SGCD: variants seen among roughly 807,000 people sequenced by gnomAD.
The protein encoded by SGCD is delta-sarcoglycan.
Under a neutral mutation model 36.6 loss-of-function variants are expected in SGCD, and 18 were observed. The observed-to-expected ratio is 0.49, with a 90% CI of 0.34 to 0.73. The LOEUF (loss-of-function observed/expected upper bound fraction) is 0.73. SGCD is among the 30% of genes least tolerant of loss of function. The pLI is 0.01. For synonymous variants in SGCD, 133 were observed against 130.6 expected (o/e 1.02, Z -0.12); for missense variants, 387 against 346.7 (o/e 1.12, Z -0.92).
chr5:156,603,834 T>C (rs1348439614), intron 6 of SGCD, among the ~76,000 whole-genome samples: 1 of 152,074 alleles, frequency 6.6e-6, no homozygotes, highest in East Asian at 1.9e-4. Context: ...TTTTGGAGAA[T>C]GTTAAACGTG....
intron 1 of SGCD, among the ~76,000 whole-genome samples, chr5:156,101,679 T>C (rs973564696): frequency 1.3e-5 from 2 of 152,344 alleles, no homozygotes; most frequent in Non-Finnish European, 2.9e-5. Context: ...CAGTTCTTTA[T>C]TGCTTTCTTT....
intron 3 of SGCD, among the ~76,000 whole-genome samples, chr5:156,185,247 C>G (rs1284870329): frequency 7.8e-6 from 1 of 128,684 alleles, no homozygotes; most frequent in Non-Finnish European, 1.6e-5. Context: ...CAGAGTCTTG[C>G]TCTGTTGCCC....
intron 3 of SGCD, among the ~76,000 whole-genome samples, chr5:156,144,655 A>G (rs150095751): frequency 0.02 from 3,073 of 152,268 alleles, 45 homozygotes; most frequent in Non-Finnish European, 0.034. Context: ...TCAGATGAGT[A>G]GGTTGCAAAA....
intron 4 of SGCD, among the ~76,000 whole-genome samples, chr5:156,536,905 GT>G (rs1247884233): frequency 2.6e-5 from 4 of 152,142 alleles, no homozygotes; most frequent in African/African-American, 9.7e-5. Flanking sequence ...ATCTTCTGAT[GT>G]GCGAGCTGCT....
intron 4 of SGCD, among the ~76,000 whole-genome samples, chr5:156,582,750 A>G (rs1005542595): frequency 3.8e-4 from 58 of 152,342 alleles, no homozygotes; most frequent in African/African-American, 1.3e-3. Context: ...ATGTAATTCA[A>G]GCCCGTCTCC....
At chr5:156,303,089 T>A (rs1284557196) in intron 3 of SGCD, among the ~76,000 whole-genome samples, 3 of 152,202 alleles carry the variant, frequency 2.0e-5, no homozygotes. Context: ...GCCTTGGACA[T>A]GTCCAGGAAT....
intron 1 of SGCD, among the ~76,000 whole-genome samples, chr5:155,926,133 T>C (rs375755054): frequency 6.6e-5 from 10 of 152,212 alleles, no homozygotes; most frequent in African/African-American, 2.2e-4. Context: ...TCTGACCTCA[T>C]CTTGACTAAT....
intron 2 of SGCD, among the ~76,000 whole-genome samples, chr5:156,122,539 G>C (rs920913284): frequency 6.6e-6 from 1 of 151,980 alleles, no homozygotes; most frequent in African/African-American, 2.4e-5. Context: ...GAGTTCAAAG[G>C]CTCCTAATAG....
intron 1 of SGCD, among the ~76,000 whole-genome samples, chr5:155,893,361 T>C (rs112849416): frequency 5.3e-5 from 8 of 152,346 alleles, no homozygotes; most frequent in Non-Finnish European, 1.2e-4. Flanking sequence ...GAATGCCACC[T>C]ATTGTAAACT....
intron 3 of SGCD, among the ~76,000 whole-genome samples, chr5:156,244,643 T>C (rs560511807): frequency 8.5e-5 from 13 of 152,214 alleles, no homozygotes; most frequent in Non-Finnish European, 1.5e-4. Context: ...TCTCATTTTT[T>C]AATAAAATTA....
intron 3 of SGCD, among the ~76,000 whole-genome samples, chr5:156,452,267 A>G (rs1362090948): frequency 6.6e-6 from 1 of 152,114 alleles, no homozygotes; most frequent in East Asian, 1.9e-4. Context: ...TGGACCTTGT[A>G]GTTTTTCAAA....
intron 3 of SGCD, among the ~76,000 whole-genome samples, chr5:156,284,521 C>T (rs542550312): frequency 3.2e-4 from 48 of 152,204 alleles, no homozygotes; most frequent in Middle Eastern, 3.4e-3. Context: ...GTTCAACATA[C>T]GCAAATCAAT....
intron 1 of SGCD, among the ~76,000 whole-genome samples, chr5:156,091,545 G>C (rs574842413): frequency 6.6e-6 from 1 of 152,276 alleles, no homozygotes; most frequent in East Asian, 1.9e-4. Flanking sequence ...CTCCTGTCAA[G>C]GTATAGCTTC....
chr5:156,183,473 T>G (rs1403838294), intron 3 of SGCD, among the ~76,000 whole-genome samples: 1 of 152,176 alleles, frequency 6.6e-6, no homozygotes, highest in Admixed American at 6.5e-5. Context: ...AGTGGTACGA[T>G]CTCAGTTTAC....
rs1759968441 is a variant in SGCD at position 156,053,282 on chromosome 5, C to T, written c.-281-64596C>T. Among the ~76,000 whole-genome samples, 2 of 145,960 alleles carry T rather than the reference C, an allele frequency of 1.4e-5. 1 individual carries two copies. The highest frequency in any genetic ancestry group is 4.3e-4 in the South Asian group (2 of 4,620). ...CTATAGCAGAATGCAGCACCACTCC[C>T]CAGTCCCCGGCCATGTAACATGGTC... is the stretch of plus-strand genomic sequence containing the variant. On this transcript the variant is annotated intron_variant, in intron 1 of 9. Coordinates refer to the SGCD transcript ENST00000517913.
chr5:156,174,079 A>G (rs1395188657), intron 3 of SGCD, among the ~76,000 whole-genome samples: 1 of 152,196 alleles, frequency 6.6e-6, no homozygotes, highest in Non-Finnish European at 1.5e-5. Context: ...TCAGTCTTTT[A>G]CTATTTATTA....
At chr5:155,987,315 A>G (rs1355053815) in intron 1 of SGCD, among the ~76,000 whole-genome samples, 2 of 152,064 alleles carry the variant, frequency 1.3e-5, no homozygotes, top group Non-Finnish European at 2.9e-5. Context: ...TCCAAATTCC[A>G]CTGGAGTCTA....
At chr5:156,578,073 T>A (rs577027115) in intron 4 of SGCD, among the ~76,000 whole-genome samples, 9 of 152,322 alleles carry the variant, frequency 5.9e-5, no homozygotes, top group African/African-American at 1.9e-4. Flanking sequence ...CTCTTATTAT[T>A]TTGAGATATG....
chr5:156,070,002 G>A (rs901348369), intron 1 of SGCD, among the ~76,000 whole-genome samples: 1 of 152,000 alleles, frequency 6.6e-6, no homozygotes, highest in Non-Finnish European at 1.5e-5. Flanking sequence ...GTTTACCAAA[G>A]TTGCTTATCA....
Sources: allele counts gnomAD v4.1 joint callset (sites outside exome capture counted in the v4.1 genomes callset), GRCh38; gene constraint gnomAD v4.1.1; transcripts MANE v1.5; gene names NCBI Gene and HGNC (gene_info 2026-07-23, HGNC 2026-07-21).